KLRG2: variants seen among roughly 807,000 people sequenced by gnomAD.
KLRG2 encodes killer cell lectin like receptor G2.
Under a neutral mutation model 35.4 loss-of-function variants are expected in KLRG2, and 39 were observed. The ratio of observed to expected loss-of-function variants is 1.10; its 90% CI spans 0.85 to 1.44. KLRG2 has a LOEUF of 1.44. Among genes scored for constraint, KLRG2 ranks in the 40% most tolerant of loss-of-function variants. The probability of loss-of-function intolerance (pLI) is 0.00; values close to 1 mark genes in which losing one functional copy is unlikely to be tolerated. For missense variants in KLRG2, 632 were observed against 570.9 expected, an observed-to-expected ratio of 1.11 and a Z score of -1.09; for synonymous variants, 283 against 265.8, an observed-to-expected ratio of 1.06 and a Z score of -0.63.
intron 3 of KLRG2, among the ~76,000 whole-genome samples, chr7:139,457,605 C>T (rs1165184317): frequency 1.3e-5 from 2 of 152,176 alleles, no homozygotes; most frequent in South Asian, 2.1e-4. Flanking sequence ...TGTGACCTGC[C>T]TCCTACACAC....
At chr7:139,466,002 T>C (rs569512403) in intron 3 of KLRG2, among the ~76,000 whole-genome samples, 3 of 152,308 alleles carry the variant, frequency 2.0e-5, no homozygotes, top group East Asian at 3.9e-4. Flanking sequence ...CATCATTTCA[T>C]AGCCTCTTCC....
chr7:139,431,851 T>G, the KLRG2 span, among the ~76,000 whole-genome samples: 1 of 152,108 alleles, frequency 6.6e-6, no homozygotes, highest in Non-Finnish European at 1.5e-5. Flanking sequence ...AGAATTTACC[T>G]TGGTGAAAGA....
At chr7:139,480,548 C>T (rs1796939353) in intron 1 of KLRG2, among the ~76,000 whole-genome samples, 1 of 145,088 alleles carries the variant, frequency 6.9e-6, no homozygotes, top group Non-Finnish European at 1.5e-5. Context: ...CGGGTTCAAG[C>T]AATTCTCCTG....
chr7:139,455,424 C>T (rs557807873), intron 3 of KLRG2, among the ~76,000 whole-genome samples: 1 of 151,514 alleles, frequency 6.6e-6, no homozygotes, highest in Non-Finnish European at 1.5e-5. Context: ...TGGGTTCACG[C>T]CATTCTCCTG....
downstream of KLRG2, among the ~76,000 whole-genome samples, chr7:139,451,809 C>T (rs1796380492): frequency 6.6e-6 from 1 of 152,084 alleles, no homozygotes; most frequent in African/African-American, 2.4e-5. Flanking sequence ...TCATAACCTA[C>T]AGATGTGTCA....
rs1167488202 is a variant in KLRG2 at position 139,483,271 on chromosome 7, C to A, written c.372G>T (p.Leu124=). 1.0e-5 allele frequency: 16 copies of A among 1,561,564 alleles called. No individual in the cohort carries two copies. Among genetic ancestry groups the A allele is most frequent in the Non-Finnish European group, 1.4e-5 (16 of 1,165,144 alleles). Residue 124 remains leucine (L), a synonymous_variant, in exon 1 of 5, where the codon CTG becomes CTT. Transcript: ENST00000340940. ...PAPSAWAPME[L]QVDVRVKPVG... The stretch of plus-strand genomic sequence containing the variant: ...CGGGCTTCACGCGCACATCTACCTG[C>A]AGCTCCATGGGCGCCCAGGCGCTGG...
At chr7:139,434,909 T>C in the KLRG2 span, among the ~76,000 whole-genome samples, 1 of 151,974 alleles carries the variant, frequency 6.6e-6, no homozygotes, top group African/African-American at 2.4e-5. Flanking sequence ...CACTGAGGAG[T>C]TATCCACATC....
chr7:139,443,967 G>T, the KLRG2 span, among the ~76,000 whole-genome samples: 1 of 152,210 alleles, frequency 6.6e-6, no homozygotes, highest in Non-Finnish European at 1.5e-5. Context: ...CCTTCAGTCT[G>T]TGGCCAAAGG....
the KLRG2 span, among the ~76,000 whole-genome samples, chr7:139,447,575 A>C: frequency 2.0e-5 from 3 of 151,804 alleles, no homozygotes; most frequent in East Asian, 5.8e-4. Flanking sequence ...TAATTTTTGT[A>C]TTTTTAGTAG....
chr7:139,455,797 A>G (rs1335062764), intron 3 of KLRG2, among the ~76,000 whole-genome samples: 1 of 152,228 alleles, frequency 6.6e-6, no homozygotes, highest in Non-Finnish European at 1.5e-5. Flanking sequence ...GATTTCACTG[A>G]GAAATAAATC....
Sources: allele counts gnomAD v4.1 joint callset (sites outside exome capture counted in the v4.1 genomes callset), GRCh38; gene constraint gnomAD v4.1.1; transcripts MANE v1.5; gene names NCBI Gene and HGNC (gene_info 2026-07-23, HGNC 2026-07-21).